Variants in PACS1 observed in about 807,000 individuals in gnomAD.
PACS1 encodes PACS-1.
In PACS1, 24 loss-of-function variants were observed where a neutral mutation model predicts 115.0. That is an observed-to-expected ratio of 0.21 (90% CI 0.15 to 0.29). The LOEUF (loss-of-function observed/expected upper bound fraction) is 0.29. PACS1 is among the 10% of genes least tolerant of loss of function. The pLI, the probability that PACS1 is intolerant of heterozygous loss-of-function variation, is 1.00. For missense variants in PACS1, 838 were observed against 1,251.2 expected, an observed-to-expected ratio of 0.67 and a Z score of 4.98; for synonymous variants, 453 against 504.5, an observed-to-expected ratio of 0.90 and a Z score of 1.37.
At chr11:66,239,972 C>T (rs1361744080) in intron 21 of PACS1, among the ~76,000 whole-genome samples, 2 of 152,226 alleles carry the variant, frequency 1.3e-5, no homozygotes, top group Admixed American at 6.5e-5. Flanking sequence ...GCCTGGGCCA[C>T]GTAGTGACGT....
intron 7 of PACS1, chr11:66,217,464 T>G (rs553568695): frequency 2.3e-6 from 1 of 434,884 alleles, no homozygotes; most frequent in South Asian, 1.6e-5. Flanking sequence ...CGAAGGGGAA[T>G]TCACAGCTCC....
intron 1 of PACS1, among the ~76,000 whole-genome samples, chr11:66,130,621 C>G (rs181951783): frequency 5.3e-5 from 8 of 152,116 alleles, no homozygotes; most frequent in African/African-American, 1.7e-4. Context: ...TCATTCTGAT[C>G]CTTTCTTCAT....
intron 4 of PACS1, among the ~76,000 whole-genome samples, chr11:66,214,275 T>A (rs932951070): frequency 2.0e-5 from 3 of 152,152 alleles, no homozygotes; most frequent in Non-Finnish European, 4.4e-5. Flanking sequence ...AGTGTTTGTG[T>A]CAGTGTGGAG....
intron 7 of PACS1, 92 bp from the exon 8 acceptor site, chr11:66,219,654 C>A (rs749207412): frequency 1.1e-6 from 1 of 942,200 alleles, no homozygotes; most frequent in Non-Finnish European, 1.8e-6. Flanking sequence ...TCCCACAGCT[C>A]GTCATGAAAG....
chr11:66,194,836 A>G (rs1007470705), intron 2 of PACS1, among the ~76,000 whole-genome samples: 3 of 152,222 alleles, frequency 2.0e-5, no homozygotes, highest in Admixed American at 6.5e-5. Flanking sequence ...ATCCACTTCT[A>G]TATCACTCTC....
At chr11:66,082,887 A>G (rs1195601076) in intron 1 of PACS1, among the ~76,000 whole-genome samples, 1 of 152,182 alleles carries the variant, frequency 6.6e-6, no homozygotes, top group African/African-American at 2.4e-5. Context: ...CTGAGCATCT[A>G]TGTTCATAGA....
intron 2 of PACS1, among the ~76,000 whole-genome samples, chr11:66,202,739 AAAAATATATATATATATATATAT>A (rs1385051120): frequency 5.5e-5 from 4 of 73,058 alleles, no homozygotes; most frequent in African/African-American, 2.3e-4. Context: ...AAAAAAAAAA[AAAAATATATATATATATATATAT>A]ATATATATAT....
intron 1 of PACS1, among the ~76,000 whole-genome samples, chr11:66,119,369 C>G (rs76050616): frequency 0.013 from 1,940 of 152,362 alleles, 16 homozygotes; most frequent in Non-Finnish European, 0.021. Flanking sequence ...TGGCTGCTTT[C>G]TCCCTACAAC....
intron 11 of PACS1, among the ~76,000 whole-genome samples, chr11:66,228,193 C>T (rs1182513491): frequency 2.0e-5 from 3 of 151,786 alleles, no homozygotes; most frequent in African/African-American, 4.8e-5. Flanking sequence ...ACTGGAGAAG[C>T]GACATCTGAG....
At position 66,243,416 on chromosome 11, in the gene PACS1, G is replaced by A. The variant is rs1189940775; in HGVS notation, c.*136G>A. On this transcript the variant is annotated 3_prime_UTR_variant, in exon 24 of 24. Coordinates refer to ENST00000320580, the MANE Select transcript of PACS1 (RefSeq NM_018026.4). ...TCTGCCTCTCACTCGCCCAGGTCCC[G>A]AAGGACACTGCCACAGGGACGCCTT... is the stretch of plus-strand genomic sequence containing the variant. 6.2e-6 allele frequency: 4 copies of A among 642,340 alleles called. No individual in the cohort carries two copies. Among genetic ancestry groups the A allele is most frequent in the South Asian group, 1.8e-5 (1 of 56,102 alleles). The allele number at this position is 642,340 out of a possible 1,614,324, so 39.8% of individuals were successfully genotyped here.
chr11:66,168,698 G>A lies in PACS1; in HGVS notation c.357-24788G>A, dbSNP rs186592659. Reference sequence around the variant, plus strand: ...TGTTGGTAGCTGTTGCTATTATTTTGTTTTATCCCTAGGTGTCTTATTTTT... The same window carrying A: ...TGTTGGTAGCTGTTGCTATTATTTTATTTTATCCCTAGGTGTCTTATTTTT... On this transcript the variant is annotated intron_variant, in intron 1 of 23. Coordinates refer to ENST00000320580, the MANE Select transcript of PACS1 (RefSeq NM_018026.4). Among the ~76,000 whole-genome samples, 24 of 148,972 alleles carry A rather than the reference G, an allele frequency of 1.6e-4. No homozygotes were observed. In the East Asian group the frequency reaches 2.9e-3, roughly 18 times the overall value.
At chr11:66,124,068 G>C (rs112965068) in intron 1 of PACS1, among the ~76,000 whole-genome samples, 3,067 of 152,230 alleles carry the variant, frequency 0.02, 123 homozygotes, top group African/African-American at 0.07. Context: ...TGGCAATACC[G>C]TCTAGTTGTA....
At chr11:66,219,695 T>A in intron 7 of PACS1, 51 bp from the exon 8 acceptor site, 1 of 1,395,786 alleles carries the variant, frequency 7.2e-7, no homozygotes, top group Non-Finnish European at 1.0e-6. Context: ...TTGACTTGAA[T>A]TGACCCCAAG....
intron 1 of PACS1, among the ~76,000 whole-genome samples, chr11:66,186,510 G>A (rs1160750537): frequency 6.6e-6 from 1 of 152,140 alleles, no homozygotes; most frequent in Admixed American, 6.5e-5. Context: ...GCAATACCTA[G>A]CTCTATTTTC....
chr11:66,103,829 T>C (rs1857974645), intron 1 of PACS1, among the ~76,000 whole-genome samples: 1 of 152,036 alleles, frequency 6.6e-6, no homozygotes, highest in South Asian at 2.1e-4. Flanking sequence ...ATTTTTTAAA[T>C]ATACAAAAAT....
chr11:66,211,245 A>G lies in PACS1; in HGVS notation c.646A>G (p.Ile216Val). ...CTATAAGACCTTGGCCGTGGGACTC[A>G]TCAACATGGCAGAGGTGAGAGGAAC... ...LGYKTLAVGLINMAEVMQHPN... is the reference protein window; with the variant it reads ...LGYKTLAVGLVNMAEVMQHPN... The change falls in exon 4 of 24, where the codon ATC becomes GTC. Residue 216 changes from isoleucine to valine, a missense_variant. Transcript: ENST00000320580. 1 of 1,613,634 alleles carries G rather than the reference A, an allele frequency of 6.2e-7. No homozygotes were observed. Among genetic ancestry groups the G allele is most frequent in the Non-Finnish European group, 8.5e-7 (1 of 1,179,604 alleles).
At chr11:66,074,051 G>T (rs1226625754) in intron 1 of PACS1, among the ~76,000 whole-genome samples, 3 of 150,434 alleles carry the variant, frequency 2.0e-5, no homozygotes, top group Non-Finnish European at 4.4e-5. Flanking sequence ...GTGAGCCACT[G>T]TGCCCAGCCT....
chr11:66,097,336 C>A (rs1756695858), intron 1 of PACS1, among the ~76,000 whole-genome samples: 1 of 152,272 alleles, frequency 6.6e-6, no homozygotes, highest in East Asian at 1.9e-4. Flanking sequence ...AGACTCTCTC[C>A]CTTGCTGGCT....
At chr11:66,104,372 C>T (rs929415906) in intron 1 of PACS1, among the ~76,000 whole-genome samples, 1 of 152,136 alleles carries the variant, frequency 6.6e-6, no homozygotes, top group Non-Finnish European at 1.5e-5. Context: ...TCATTTTGAA[C>T]CCTATAGAAC....
Sources: allele counts gnomAD v4.1 joint callset (sites outside exome capture counted in the v4.1 genomes callset), GRCh38; gene constraint gnomAD v4.1.1; transcripts MANE v1.5; gene names NCBI Gene and HGNC (gene_info 2026-07-23, HGNC 2026-07-21).